The following PTPRJ variants were observed in gnomAD, a reference collection of about 807,000 sequenced individuals.
PTPRJ encodes receptor-type tyrosine-protein phosphatase eta.
A neutral mutation model predicts 141.3 loss-of-function variants in PTPRJ; 129 were observed. The ratio of observed to expected loss-of-function variants is 0.91; its 90% CI spans 0.79 to 1.06. The LOEUF (loss-of-function observed/expected upper bound fraction) is 1.06, where lower values mean the gene tolerates loss of function less well. PTPRJ is among the 50% of genes least tolerant of loss of function. The probability of loss-of-function intolerance (pLI) is 0.00; values close to 1 mark genes in which losing one functional copy is unlikely to be tolerated. For missense variants in PTPRJ, 1,601 were observed against 1,679.7 expected, an observed-to-expected ratio of 0.95 and a Z score of 0.82; for synonymous variants, 610 against 640.5, an observed-to-expected ratio of 0.95 and a Z score of 0.72.
intron 1 of PTPRJ, among the ~76,000 whole-genome samples, chr11:47,996,195 C>T (rs1284403597): frequency 6.8e-6 from 1 of 147,264 alleles, no homozygotes; most frequent in African/African-American, 2.5e-5. Flanking sequence ...ATTAGCTGGG[C>T]ATGGTGGTGG....
At chr11:48,043,517 T>C (rs1854318137) in intron 1 of PTPRJ, among the ~76,000 whole-genome samples, 1 of 152,158 alleles carries the variant, frequency 6.6e-6, no homozygotes, top group African/African-American at 2.4e-5. Flanking sequence ...AAAGCAGTGG[T>C]TTTTTGTCTT....
chr11:48,146,326 A>C (rs1462753636), intron 14 of PTPRJ, among the ~76,000 whole-genome samples: 2 of 152,192 alleles, frequency 1.3e-5, no homozygotes, highest in African/African-American at 4.8e-5. Context: ...CCTACCTTCA[A>C]GCCAGAGGCT....
chr11:47,988,283 A>G (rs879303008), intron 1 of PTPRJ, among the ~76,000 whole-genome samples: 1 of 152,222 alleles, frequency 6.6e-6, no homozygotes, highest in Admixed American at 6.5e-5. Context: ...CCAAAAGGGA[A>G]TGCACATATT....
intron 1 of PTPRJ, among the ~76,000 whole-genome samples, chr11:48,053,315 ATATATATTATATATTAATATAT>A (rs1195950821): frequency 3.3e-5 from 3 of 92,096 alleles, no homozygotes; most frequent in Non-Finnish European, 5.8e-5. Flanking sequence ...TAAATATATA[ATATATATTATATATTAATATAT>A]TATATATTAT....
rs1590578725 is a variant in PTPRJ at position 48,168,694 on chromosome 11, ATTACT to A, written c.*1335_*1339del. 1 of 142,920 alleles carries A rather than the reference ATTACT, an allele frequency of 7.0e-6. No individual in the cohort carries two copies. The highest frequency in any genetic ancestry group is 1.5e-5 in the Non-Finnish European group (1 of 65,396). 8.9% of individuals were successfully genotyped at this position (142,920 alleles called of 1,614,324 possible). A position where few individuals can be genotyped will look rare whatever the true frequency, so the allele number is the denominator to read the frequency against. ...ACCTTTTCACTATACTGCTGCTGTA[ATTACT>A]TTGATTTTTAAAATGTAGATTAATT... On this transcript the variant is annotated 3_prime_UTR_variant, in exon 25 of 25. Transcript: ENST00000418331.
At chr11:48,072,399 T>C (rs1565288683) in intron 1 of PTPRJ, among the ~76,000 whole-genome samples, 1 of 151,996 alleles carries the variant, frequency 6.6e-6, no homozygotes, top group Non-Finnish European at 1.5e-5. Context: ...GAGGGTGGAG[T>C]CCTAATGGCC....
intron 12 of PTPRJ, 24 bp from the exon 13 acceptor site, chr11:48,144,651 T>A: frequency 6.3e-7 from 1 of 1,578,534 alleles, no homozygotes; most frequent in Non-Finnish European, 8.7e-7. Flanking sequence ...TTCTTATGAT[T>A]CTCCTTCTGT....
chr11:48,141,446 T>C (rs1369567543), intron 11 of PTPRJ, among the ~76,000 whole-genome samples: 2 of 152,072 alleles, frequency 1.3e-5, no homozygotes, highest in African/African-American at 4.8e-5. Context: ...TGAGACCAAC[T>C]CTGGGAAAAA....
At chr11:48,022,418 C>G (rs1050417484) in intron 1 of PTPRJ, among the ~76,000 whole-genome samples, 2 of 151,442 alleles carry the variant, frequency 1.3e-5, no homozygotes, top group African/African-American at 2.4e-5. Context: ...GAGCCGAGAT[C>G]GTGCCATTGC....
intron 2 of PTPRJ, 126 bp downstream of exon 2, chr11:48,110,202 T>C: frequency 8.9e-7 from 1 of 1,122,848 alleles, no homozygotes; most frequent in Non-Finnish European, 1.3e-6. Context: ...ATTTTTCTTT[T>C]TCTTTTTCTT....
chr11:48,152,028 T>C (rs577444996), intron 18 of PTPRJ, among the ~76,000 whole-genome samples: 19 of 152,370 alleles, frequency 1.2e-4, no homozygotes, highest in Admixed American at 1.1e-3. Context: ...CCACATTGTC[T>C]TCCACAATGG....
At chr11:48,061,790 G>A (rs560611364) in intron 1 of PTPRJ, among the ~76,000 whole-genome samples, 4 of 151,946 alleles carry the variant, frequency 2.6e-5, no homozygotes, top group South Asian at 2.1e-4. Context: ...ACTAAGGGCC[G>A]AATGCTTTAT....
At chr11:48,135,410 C>T (rs1209631366) in intron 8 of PTPRJ, among the ~76,000 whole-genome samples, 1 of 150,780 alleles carries the variant, frequency 6.6e-6, no homozygotes, top group Non-Finnish European at 1.5e-5. Flanking sequence ...CTCCCGACTT[C>T]AGGTGATCCG....
chr11:48,130,359 G>A (rs1856943174), intron 7 of PTPRJ, 100 bp from the exon 8 acceptor site: 2 of 1,214,866 alleles, frequency 1.6e-6, no homozygotes, highest in African/African-American at 3.0e-5. Flanking sequence ...GGGATCAGGT[G>A]TCCTAAGTGT....
intron 1 of PTPRJ, among the ~76,000 whole-genome samples, chr11:48,103,072 C>T (rs1335947822): frequency 6.6e-6 from 1 of 152,126 alleles, no homozygotes; most frequent in Non-Finnish European, 1.5e-5. Flanking sequence ...AAAGTGTGCT[C>T]CTTGAGGTGT....
At chr11:48,035,048 A>G (rs1250022640) in intron 1 of PTPRJ, among the ~76,000 whole-genome samples, 2 of 152,144 alleles carry the variant, frequency 1.3e-5, no homozygotes, top group African/African-American at 4.8e-5. Flanking sequence ...GAATCCTGCT[A>G]TTTCCTCAGC....
chr11:48,070,603 G>C (rs1252184849), intron 1 of PTPRJ, among the ~76,000 whole-genome samples: 1 of 151,776 alleles, frequency 6.6e-6, no homozygotes, highest in Non-Finnish European at 1.5e-5. Flanking sequence ...TGTGGGTGGA[G>C]TAGTACTCAC....
chr11:48,126,462 C>T (rs1215951961), intron 6 of PTPRJ, among the ~76,000 whole-genome samples: 2 of 151,914 alleles, frequency 1.3e-5, no homozygotes, highest in African/African-American at 2.4e-5. Context: ...CACTAGATGG[C>T]GTAAACAATG....
Position 48,020,096 on chromosome 11 carries a change from T to A in PTPRJ, c.96+39088T>A, listed in dbSNP as rs541099303. On this transcript the variant is annotated intron_variant, in intron 1 of 24. Transcript: ENST00000418331. ...ACTTATAAAATACAAAGTATAGGCA[T>A]GTCCCGAGATCCTGGCGAGGCTGTA... 2.6e-5 allele frequency among the ~76,000 whole-genome samples: 4 copies of A among 152,330 alleles called. 1 individual carries two copies. In the South Asian group the frequency reaches 8.3e-4, roughly 32 times the overall value.
Sources: allele counts gnomAD v4.1 joint callset (sites outside exome capture counted in the v4.1 genomes callset), GRCh38; gene constraint gnomAD v4.1.1; transcripts MANE v1.5; gene names NCBI Gene and HGNC (gene_info 2026-07-23, HGNC 2026-07-21).